SSBP2: variants seen among roughly 807,000 people sequenced by gnomAD.
SSBP2 encodes single stranded DNA binding protein 2.
Under a neutral mutation model 61.8 loss-of-function variants are expected in SSBP2, and 17 were observed. That is an observed-to-expected ratio of 0.28 (90% CI 0.19 to 0.41). SSBP2 has a LOEUF of 0.41. Among genes scored for constraint, SSBP2 ranks in the 10% least tolerant of loss-of-function variants. SSBP2 has a pLI of 1.00. For synonymous variants in SSBP2, 139 were observed against 141.3 expected, an observed-to-expected ratio of 0.98 and a Z score of 0.12; for missense variants, 310 against 458.7, an observed-to-expected ratio of 0.68 and a Z score of 2.96.
At chr5:81,432,968 G>T (rs576589030) in intron 15 of SSBP2, among the ~76,000 whole-genome samples, 1 of 136,252 alleles carries the variant, frequency 7.3e-6, no homozygotes, top group African/African-American at 2.9e-5. Flanking sequence ...CAGCCGCCCC[G>T]TCCGGGAGGG....
intron 10 of SSBP2, 26 bp downstream of exon 10, chr5:81,461,029 T>A: frequency 7.9e-7 from 1 of 1,269,986 alleles, no homozygotes; most frequent in Non-Finnish European, 1.0e-6. Context: ...TGCAAAATAT[T>A]AAAAAAAATA....
chr5:81,552,271 G>C (rs7725320), intron 4 of SSBP2, among the ~76,000 whole-genome samples: 70,321 of 152,046 alleles, frequency 0.46, 20,917 homozygotes, highest in African/African-American at 0.85. Context: ...AATATCTATA[G>C]TTAAGAAGTA....
At chr5:81,509,203 A>G (rs1318401468) in intron 5 of SSBP2, among the ~76,000 whole-genome samples, 1 of 152,178 alleles carries the variant, frequency 6.6e-6, no homozygotes, top group Non-Finnish European at 1.5e-5. Flanking sequence ...TGTTACTTTA[A>G]GGAGCCACAT....
chr5:81,518,147 G>C (rs1428427454), intron 4 of SSBP2, among the ~76,000 whole-genome samples: 2 of 152,074 alleles, frequency 1.3e-5, no homozygotes, highest in African/African-American at 4.8e-5. Flanking sequence ...TGTATGAAAA[G>C]TATTTTAAGT....
At chr5:81,438,659 G>T (rs1580684373) in intron 14 of SSBP2, among the ~76,000 whole-genome samples, 1 of 152,280 alleles carries the variant, frequency 6.6e-6, no homozygotes, top group East Asian at 1.9e-4. Context: ...TGAGCCAGTT[G>T]CCAAGCATAG....
chr5:81,615,544 G>T lies in SSBP2; in HGVS notation c.211C>A (p.Leu71Ile). The change falls in exon 4 of 17, where the codon CTC (leucine) becomes ATC (isoleucine). Residue 71 changes from leucine to isoleucine, a missense_variant. Around this residue, in one of 4 missense-constraint regions of SSBP2, gnomAD observed 21 missense variants for 59.1 expected, o/e 0.36. Transcript: ENST00000320672. ...CGTCTCTCTGGAGCTGCACAGTAGA[G>T]ATCCCAAAATACACTAAAAAAGTAA... 2 of 1,612,296 alleles carry T rather than the reference G, an allele frequency of 1.2e-6. No homozygotes were observed. Among genetic ancestry groups the T allele is most frequent in the Non-Finnish European group, 1.7e-6 (2 of 1,179,006 alleles).
chr5:81,742,819 G>T (rs2154023070), intron 1 of SSBP2, among the ~76,000 whole-genome samples: 1 of 152,240 alleles, frequency 6.6e-6, no homozygotes, highest in Admixed American at 6.5e-5. Flanking sequence ...TGTGGAAGTT[G>T]CAGAGAGCCG....
chr5:81,609,036 C>T (rs890485348), intron 4 of SSBP2, among the ~76,000 whole-genome samples: 3 of 152,096 alleles, frequency 2.0e-5, no homozygotes, highest in Non-Finnish European at 4.4e-5. Context: ...TAGAGGAGAA[C>T]TGAAATGCTT....
At position 81,653,585 on chromosome 5, in the gene SSBP2, T is replaced by C. The variant is rs112141428; in HGVS notation, c.63-3246A>G. On this transcript the variant is annotated intron_variant, in intron 1 of 16. Transcript: ENST00000320672. ...ACCAACAGTGTAAAAGTGTTCCTAT[T>C]TCTCCACATCCTCTCCAGCATCTGT... Among the ~76,000 whole-genome samples the C allele has an allele frequency of 1.9e-3, 284 of 152,322 alleles. 2 individuals carry two copies. The highest frequency in any genetic ancestry group is 6.7e-3 in the African/African-American group (278 of 41,572).
intron 6 of SSBP2, among the ~76,000 whole-genome samples, chr5:81,480,006 C>G (rs1580790249): frequency 1.3e-5 from 2 of 152,228 alleles, no homozygotes; most frequent in East Asian, 3.9e-4. Flanking sequence ...CTAATTTCAC[C>G]ATTTTCTGTC....
chr5:81,448,220 G>T (rs1763529834), intron 11 of SSBP2, among the ~76,000 whole-genome samples: 1 of 152,164 alleles, frequency 6.6e-6, no homozygotes, highest in Admixed American at 6.6e-5. Context: ...GTAAGCTCAG[G>T]AGGTCATATA....
chr5:81,606,719 C>T (rs1744913927), intron 4 of SSBP2, among the ~76,000 whole-genome samples: 1 of 152,140 alleles, frequency 6.6e-6, no homozygotes, highest in Non-Finnish European at 1.5e-5. Flanking sequence ...TCTTGTATTT[C>T]TCTGTAGTGA....
At chr5:81,424,186 G>T (rs990117463) in intron 16 of SSBP2, among the ~76,000 whole-genome samples, 3 of 152,158 alleles carry the variant, frequency 2.0e-5, no homozygotes, top group African/African-American at 7.2e-5. Context: ...AGCACTTTGG[G>T]AGGCCGAGGT....
At chr5:81,421,000 A>G (rs186269359) in intron 16 of SSBP2, among the ~76,000 whole-genome samples, 54 of 152,328 alleles carry the variant, frequency 3.5e-4, no homozygotes, top group Admixed American at 2.7e-3. Flanking sequence ...AAGATGAGAT[A>G]TAAAATCCTT....
At chr5:81,536,721 T>A (rs1343642324) in intron 4 of SSBP2, among the ~76,000 whole-genome samples, 1 of 152,150 alleles carries the variant, frequency 6.6e-6, no homozygotes, top group Non-Finnish European at 1.5e-5. Flanking sequence ...TTACCTTATT[T>A]TCAGATATTG....
At chr5:81,448,145 C>T (rs1185889470) in intron 11 of SSBP2, 1 of 152,090 alleles carries the variant, frequency 6.6e-6, no homozygotes, top group Non-Finnish European at 1.5e-5. Context: ...AACGTATTTT[C>T]CTCTGTGTTG....
intron 4 of SSBP2, among the ~76,000 whole-genome samples, chr5:81,515,860 A>C (rs1368495450): frequency 3.3e-5 from 5 of 151,854 alleles, no homozygotes; most frequent in African/African-American, 1.2e-4. Flanking sequence ...AAACCTTTAA[A>C]ATGGCTTCTG....
intron 4 of SSBP2, among the ~76,000 whole-genome samples, chr5:81,568,588 C>A (rs917452488): frequency 6.6e-6 from 1 of 152,124 alleles, no homozygotes; most frequent in Non-Finnish European, 1.5e-5. Context: ...ATAGTTTACT[C>A]CAAAACATAT....
chr5:81,602,184 T>C lies in SSBP2; in HGVS notation c.282+13289A>G, dbSNP rs373084675. 5.9e-5 allele frequency among the ~76,000 whole-genome samples: 9 copies of C among 152,300 alleles called. No individual in the cohort carries two copies. The East Asian group carries it at 1.5e-3, about 26-fold the overall frequency. On this transcript the variant is annotated intron_variant, in intron 4 of 16. Coordinates refer to ENST00000320672, the MANE Select transcript of SSBP2 (RefSeq NM_012446.5). ...ATGTTTGCCACTGAGTTTCTCAGCT[T>C]GTTTTCTGCCTACAGAAGTTCAGGG...
Sources: allele counts gnomAD v4.1 joint callset (sites outside exome capture counted in the v4.1 genomes callset), GRCh38; gene constraint gnomAD v4.1.1; regional missense constraint gnomAD v4.1.1; transcripts MANE v1.5; gene names NCBI Gene and HGNC (gene_info 2026-07-23, HGNC 2026-07-21).